WNK1: variants seen among roughly 807,000 people sequenced by gnomAD.
WNK1 encodes the protein serine/threonine-protein kinase WNK1.
In WNK1, 38 loss-of-function variants were observed where a neutral mutation model predicts 222.8. The ratio of observed to expected loss-of-function variants is 0.17; its 90% CI spans 0.13 to 0.22. The LOEUF is 0.22. Among genes scored for constraint, WNK1 ranks in the 10% least tolerant of loss-of-function variants. The pLI, the probability that WNK1 is intolerant of heterozygous loss-of-function variation, is 1.00. For synonymous variants in WNK1, 1,090 were observed against 1,092.9 expected (o/e 1.00, Z 0.05); for missense variants, 2,348 against 2,918.4 (o/e 0.80, Z 4.50).
At chr12:870,689 A>G (rs1033999339) in intron 8 of WNK1, among the ~76,000 whole-genome samples, 8 of 152,028 alleles carry the variant, frequency 5.3e-5, no homozygotes, top group Admixed American at 3.3e-4. Context: ...AGTAGCAGCA[A>G]TCTCCCTCAG....
intron 24 of WNK1, among the ~76,000 whole-genome samples, 192 bp downstream of exon 24, chr12:896,924 ACACACACACACACACG>A (rs1362926150): frequency 1.3e-5 from 1 of 78,666 alleles, no homozygotes; most frequent in Admixed American, 1.5e-4. Flanking sequence ...ACACACACAC[ACACACACACACACACG>A]ATTCCCAACC....
intron 1 of WNK1, among the ~76,000 whole-genome samples, chr12:776,206 A>G (rs1057264788): frequency 6.8e-6 from 1 of 146,074 alleles, no homozygotes; most frequent in Non-Finnish European, 1.5e-5. Flanking sequence ...GCTAATTTTT[A>G]AAAGTTTTTG....
intron 2 of WNK1, among the ~76,000 whole-genome samples, chr12:821,666 C>G (rs1947893199): frequency 1.3e-5 from 2 of 152,196 alleles, no homozygotes; most frequent in East Asian, 3.8e-4. Flanking sequence ...ACTGTAGTGT[C>G]TACTAATTTC....
At chr12:902,537 T>C (rs1235088634) in intron 26 of WNK1, among the ~76,000 whole-genome samples, 1 of 152,206 alleles carries the variant, frequency 6.6e-6, no homozygotes, top group Non-Finnish European at 1.5e-5. Context: ...CGGTTTTTAG[T>C]TTGGTTATTC....
At chr12:877,875 A>G (rs1952771927) in intron 9 of WNK1, 1 of 343,632 alleles carries the variant, frequency 2.9e-6, no homozygotes, top group Non-Finnish European at 5.6e-6. Flanking sequence ...GGGAAAAGGG[A>G]ATGGCAGGGA....
In WNK1 at chr12:885,716, G is replaced by A. The variant is rs2154084557; in HGVS notation, c.4912G>A (p.Val1638Ile). 2 of 1,614,186 alleles carry A rather than the reference G, an allele frequency of 1.2e-6. No homozygotes were observed. Among genetic ancestry groups the A allele is most frequent in the Non-Finnish European group, 1.7e-6 (2 of 1,180,036 alleles). Reference protein sequence around the residue: ...PNQPHTHCPEVDSDTQPKAPG... With the variant: ...PNQPHTHCPEIDSDTQPKAPG... Reference sequence around the variant, plus strand: ...CCAGCCCCATACTCATTGTCCTGAAGTAGATTCTGATACACAACCCAAAGC... The same window carrying A: ...CCAGCCCCATACTCATTGTCCTGAAATAGATTCTGATACACAACCCAAAGC... Residue 1638 changes from valine to isoleucine, a missense_variant, in exon 19 of 28, where the codon GTA becomes ATA. Val to Ile is a conservative substitution (Grantham distance 29). This residue lies in a region of WNK1 where 1,144 missense variants were observed against 1,273.6 expected (regional missense o/e 0.90). Coordinates refer to ENST00000315939, the MANE Select transcript of WNK1 (RefSeq NM_018979.4).
At position 835,044 on chromosome 12, in the gene WNK1, C is replaced by G. The variant is rs1430591161; in HGVS notation, c.1311+4884C>G. Among the ~76,000 whole-genome samples, 3 of 152,252 alleles carry G rather than the reference C, an allele frequency of 2.0e-5. No individual in the cohort carries two copies. In the East Asian group the frequency reaches 5.8e-4, roughly 29 times the overall value. ...TGTGAATAACCAATAATAGGCTGGG[C>G]CTGTAGGCTCACGCCTGTAATCCCA... On this transcript the variant is annotated intron_variant, in intron 4 of 27. Coordinates refer to ENST00000315939, the MANE Select transcript of WNK1 (RefSeq NM_018979.4).
chr12:826,317 G>T (rs1443823393), intron 2 of WNK1, among the ~76,000 whole-genome samples: 1 of 152,166 alleles, frequency 6.6e-6, no homozygotes, highest in Non-Finnish European at 1.5e-5. Flanking sequence ...AACTTTATTG[G>T]ACAGACCATC....
chr12:857,297 A>C (rs1225908061), intron 5 of WNK1, 48 bp downstream of exon 5: 1 of 1,518,390 alleles, frequency 6.6e-7, no homozygotes, highest in African/African-American at 1.4e-5. Flanking sequence ...AAACCTAAAA[A>C]GTAATGTGCT....
At chr12:770,173 T>C (rs1338028125) in intron 1 of WNK1, among the ~76,000 whole-genome samples, 1 of 151,982 alleles carries the variant, frequency 6.6e-6, no homozygotes, top group Non-Finnish European at 1.5e-5. Flanking sequence ...ATGGTTTCTC[T>C]ATGTTGGTCA....
intron 1 of WNK1, among the ~76,000 whole-genome samples, chr12:770,611 C>T (rs1378263544): frequency 1.2e-4 from 18 of 152,090 alleles, no homozygotes; most frequent in Admixed American, 1.2e-3. Flanking sequence ...TTACTACTTC[C>T]TTTTAAAAAA....
In WNK1 at chr12:904,608, A is replaced by G. The variant is rs748634839; in HGVS notation, c.6644-3239A>G. ...ATTCCTAACTTCCATCTATCTCTGT[A>G]TCCTATTCTAATAAATATTTAACAT... On this transcript the variant is annotated intron_variant, in intron 26 of 27. Coordinates refer to ENST00000315939, the MANE Select transcript of WNK1 (RefSeq NM_018979.4). 6 of 646,758 alleles carry G rather than the reference A, an allele frequency of 9.3e-6. 1 individual carries two copies. The highest frequency in any genetic ancestry group is 6.1e-5 in the South Asian group (4 of 65,086). 40.1% of individuals were successfully genotyped at this position (646,758 alleles called of 1,614,324 possible). A position where few individuals can be genotyped will look rare whatever the true frequency, so the allele number is the denominator to read the frequency against.
chr12:874,154 C>CA (rs79398899), intron 9 of WNK1, among the ~76,000 whole-genome samples: 117 of 138,034 alleles, frequency 8.5e-4, no homozygotes, highest in Admixed American at 2.5e-3. Flanking sequence ...TGACTCATCT[C>CA]AAAAAAAAAA....
At chr12:754,395 A>T (rs1464458884) in intron 1 of WNK1, 71 bp downstream of exon 1, 1 of 1,595,312 alleles carries the variant, frequency 6.3e-7, no homozygotes, top group African/African-American at 1.3e-5. Flanking sequence ...CAGTTGATCG[A>T]GTTCACCCTT....
In WNK1 at chr12:881,763, G is replaced by A. The variant is rs371311039; in HGVS notation, c.3183G>A (p.Pro1061=). 4.3e-6 allele frequency: 7 copies of A among 1,613,950 alleles called. No homozygotes were observed. The highest frequency in any genetic ancestry group is 1.3e-5 in the African/African-American group (1 of 74,892). Residue 1061 remains proline (P), a synonymous_variant, in exon 13 of 28, where the codon CCG becomes CCA. Coordinates refer to ENST00000315939, the MANE Select transcript of WNK1 (RefSeq NM_018979.4). ...VAVAQTQATQ[P]TTLASSVDSA... is the part of the protein sequence containing the mutation. ...TAGCACAGACCCAAGCTACCCAGCC[G>A]ACCACTTTGGCTTCCTCTGTAGACA...
chr12:891,602 CTTTTT>C (rs71441624), intron 22 of WNK1, among the ~76,000 whole-genome samples: 1 of 126,010 alleles, frequency 7.9e-6, no homozygotes, highest in Admixed American at 8.0e-5. Flanking sequence ...GATTTTTTTT[CTTTTT>C]TTTTTTTTTT....
chr12:868,993 TCAGA>T lies in WNK1; in HGVS notation c.2140-2268_2140-2265del, dbSNP rs1951917368. The T allele has an allele frequency of 3.7e-6, 6 of 1,607,022 alleles. No individual in the cohort carries two copies. The highest frequency in any genetic ancestry group is 1.3e-5 in the African/African-American group (1 of 74,574). On this transcript the variant is annotated intron_variant, in intron 8 of 27. Coordinates refer to ENST00000315939, the MANE Select transcript of WNK1 (RefSeq NM_018979.4). ...TCTCAATGCCCTTTATCCATCTGCC[TCAGA>T]CAGTGTTACAAGAATCCCCACTTTT...
chr12:845,433 A>G (rs1249094073), intron 4 of WNK1, among the ~76,000 whole-genome samples: 3 of 152,144 alleles, frequency 2.0e-5, no homozygotes, highest in Non-Finnish European at 4.4e-5. Flanking sequence ...GGCTATTAGT[A>G]ACCAGTAAAC....
chr12:874,923 C>T (rs1457689152), intron 9 of WNK1, among the ~76,000 whole-genome samples: 1 of 151,868 alleles, frequency 6.6e-6, no homozygotes, highest in East Asian at 1.9e-4. Context: ...CTCTCCCAAG[C>T]AGGAAAGGGA....
Sources: allele counts gnomAD v4.1 joint callset (sites outside exome capture counted in the v4.1 genomes callset), GRCh38; gene constraint gnomAD v4.1.1; regional missense constraint gnomAD v4.1.1; transcripts MANE v1.5; gene names NCBI Gene and HGNC (gene_info 2026-07-23, HGNC 2026-07-21).